NKIRAS1: variants seen among roughly 807,000 people sequenced by gnomAD.
NKIRAS1 encodes NFKB inhibitor interacting Ras like 1.
Under a neutral mutation model 19.8 loss-of-function variants are expected in NKIRAS1, and 16 were observed. That is an observed-to-expected ratio of 0.81 (90% CI 0.55 to 1.23). The LOEUF (loss-of-function observed/expected upper bound fraction) is 1.23, where lower values mean the gene tolerates loss of function less well. Ranked by LOEUF, NKIRAS1 falls within the 50% of genes most tolerant of loss-of-function variation. The pLI is 0.00. For synonymous variants in NKIRAS1, 88 were observed against 79.0 expected (o/e 1.11, Z -0.61); for missense variants, 184 against 220.0 (o/e 0.84, Z 1.04).
At chr3:23,921,570 GTTTTTTTT>G (rs71622703), upstream of NKIRAS1, 7 of 508,938 alleles carry the variant, frequency 1.4e-5, no homozygotes, top group African/African-American at 4.8e-5. Context: ...TGATTATTGA[GTTTTTTTT>G]TTTTTTTTTT....
chr3:23,934,929 T>C (rs79136442), intron 1 of NKIRAS1, among the ~76,000 whole-genome samples: 2,168 of 152,300 alleles, frequency 0.014, 64 homozygotes, highest in African/African-American at 0.049. Context: ...CAATAAATGA[T>C]TTCTAAATCC....
chr3:23,945,298 CGCCGCCGCGGTGCGCTGGCTGCAGGAA>C (rs1271146777), intron 1 of NKIRAS1: 65 of 156,148 alleles, frequency 4.2e-4, no homozygotes, highest in East Asian at 5.6e-4. Context: ...CAGCCGCCCT[CGCCGCCGCGGTGCGCTGGCTGCAGGAA>C]GCCGCCGCGC....
At chr3:23,910,156 CTTTTTTT>C (rs34240932) in intron 3 of NKIRAS1, among the ~76,000 whole-genome samples, 1 of 96,558 alleles carries the variant, frequency 1.0e-5, no homozygotes, top group South Asian at 3.5e-4. Flanking sequence ...TGCGCTCGGC[CTTTTTTT>C]TTTTTTTTTT....
At chr3:23,921,403 T>C (rs1156387866), upstream of NKIRAS1, among the ~76,000 whole-genome samples, 2 of 152,188 alleles carry the variant, frequency 1.3e-5, no homozygotes. Context: ...TTGCTGTTTG[T>C]TCTTCAAATA....
Position 23,912,864 on chromosome 3 carries a change from A to G in NKIRAS1, c.-139-1414T>C, listed in dbSNP as rs572224986. Among the ~76,000 whole-genome samples, 206 of 152,208 alleles carry G rather than the reference A, an allele frequency of 1.4e-3. 1 individual carries two copies. Among genetic ancestry groups the G allele is most frequent in the Non-Finnish European group, 2.4e-3 (164 of 68,012 alleles). On this transcript the variant is annotated intron_variant, in intron 1 of 4. Transcript: ENST00000425478. The stretch of plus-strand genomic sequence containing the variant: ...TCGGGCGCGGTGGCTCATGCCTGTA[A>G]TCCCAGCACTTTGGGAGGCCAAGGT...
chr3:23,941,972 CTTATTTAT>C (rs879675515), intron 1 of NKIRAS1, among the ~76,000 whole-genome samples: 2 of 100,768 alleles, frequency 2.0e-5, no homozygotes, highest in South Asian at 3.1e-4. Context: ...TATTTATTTA[CTTATTTAT>C]TTATTTATTT....
chr3:23,910,207 G>A (rs1359503640), intron 3 of NKIRAS1, among the ~76,000 whole-genome samples: 1 of 147,378 alleles, frequency 6.8e-6, no homozygotes, highest in Non-Finnish European at 1.5e-5. Context: ...GCCCAGGCTG[G>A]AGTGTAGTAA....
intron 1 of NKIRAS1, among the ~76,000 whole-genome samples, chr3:23,928,639 A>G (rs1487811134): frequency 6.6e-6 from 1 of 150,846 alleles, no homozygotes; most frequent in African/African-American, 2.4e-5. Flanking sequence ...CGACAAGGGC[A>G]TGAGGAAGTC....
intron 1 of NKIRAS1, among the ~76,000 whole-genome samples, chr3:23,924,742 A>AT (rs1481898346): frequency 6.6e-6 from 1 of 152,298 alleles, no homozygotes; most frequent in East Asian, 1.9e-4. Flanking sequence ...TGTAGAATAA[A>AT]TTCTTCAAAT....
intron 1 of NKIRAS1, among the ~76,000 whole-genome samples, chr3:23,913,712 C>T (rs757362119): frequency 6.6e-6 from 1 of 152,156 alleles, no homozygotes; most frequent in Non-Finnish European, 1.5e-5. Context: ...TTCCCAAACA[C>T]AATAAATGTA....
chr3:23,945,593 A>G lies in NKIRAS1; in HGVS notation c.-140+730T>C, dbSNP rs375475101. ...GCGAGGGCACCATGGAGGTGAATGC[A>G]GGTAAGAACCGGACTGCGGCGGGTG... On this transcript the variant is annotated intron_variant, in intron 1 of 4. Coordinates refer to the NKIRAS1 transcript ENST00000421515. 9.5e-4 allele frequency: 1,097 copies of G among 1,151,542 alleles called. 1 individual carries two copies. Among genetic ancestry groups the G allele is most frequent in the Middle Eastern group, 9.2e-3 (27 of 2,932 alleles). 71.3% of individuals were successfully genotyped at this position (1,151,542 alleles called of 1,614,324 possible).
intron 1 of NKIRAS1, among the ~76,000 whole-genome samples, chr3:23,932,548 C>T (rs998148550): frequency 2.0e-5 from 3 of 151,818 alleles, no homozygotes; most frequent in Admixed American, 2.0e-4. Context: ...ATTAGCCGGG[C>T]GTGGTGGTGC....
intron 1 of NKIRAS1, among the ~76,000 whole-genome samples, chr3:23,929,005 A>G (rs1218216527): frequency 7.7e-6 from 1 of 130,460 alleles, no homozygotes; most frequent in Non-Finnish European, 1.7e-5. Flanking sequence ...TCTTTAAAAA[A>G]AAAAAAAAGA....
upstream of NKIRAS1, chr3:23,918,365 T>A: frequency 6.6e-7 from 1 of 1,504,856 alleles, no homozygotes; most frequent in Non-Finnish European, 9.0e-7. Context: ...TGGTGGAGTA[T>A]TAGTGACAAG....
chr3:23,914,729 T>C (rs568510973), intron 1 of NKIRAS1, among the ~76,000 whole-genome samples: 4 of 152,338 alleles, frequency 2.6e-5, no homozygotes, highest in South Asian at 2.1e-4. Context: ...ATCCAAATCT[T>C]GTAAAACTGT....
intron 1 of NKIRAS1, chr3:23,946,189 C>T (rs1361597473): frequency 3.0e-6 from 3 of 985,334 alleles, no homozygotes; most frequent in Admixed American, 6.1e-5. Flanking sequence ...GCCCCCGCGG[C>T]GGGGCGTCCC....
At chr3:23,920,268 G>A (rs1281347126), upstream of NKIRAS1, 4 of 985,628 alleles carry the variant, frequency 4.1e-6, no homozygotes, top group Non-Finnish European at 3.6e-6. Flanking sequence ...TCACATTAGG[G>A]GGAAAGTAGT....
intron 1 of NKIRAS1, among the ~76,000 whole-genome samples, chr3:23,925,944 A>G (rs1002622181): frequency 3.9e-5 from 6 of 152,268 alleles, no homozygotes; most frequent in African/African-American, 1.4e-4. Flanking sequence ...GTTACATTTC[A>G]AATGCTCAGT....
chr3:23,898,842 G>C (rs1289502846), intron 4 of NKIRAS1, among the ~76,000 whole-genome samples: 1 of 152,184 alleles, frequency 6.6e-6, no homozygotes, highest in African/African-American at 2.4e-5. Context: ...CAGGAGGTGA[G>C]CAGGGAGCAA....
Sources: allele counts gnomAD v4.1 joint callset (sites outside exome capture counted in the v4.1 genomes callset), GRCh38; gene constraint gnomAD v4.1.1; transcripts MANE v1.5; gene names NCBI Gene and HGNC (gene_info 2026-07-23, HGNC 2026-07-21).